Variants in SLC35F1 observed in about 807,000 individuals in gnomAD.
The protein encoded by SLC35F1 is solute carrier family 35 member F1.
In SLC35F1, 14 loss-of-function variants were observed where a neutral mutation model predicts 48.7. The ratio of observed to expected loss-of-function variants is 0.29; its 90% CI spans 0.19 to 0.45. The LOEUF (loss-of-function observed/expected upper bound fraction) is 0.45. Among genes scored for constraint, SLC35F1 ranks in the 20% least tolerant of loss-of-function variants. The pLI, the probability that SLC35F1 is intolerant of heterozygous loss-of-function variation, is 1.00. For missense variants in SLC35F1, 404 were observed against 500.0 expected, an observed-to-expected ratio of 0.81 and a Z score of 1.83; for synonymous variants, 190 against 202.2, an observed-to-expected ratio of 0.94 and a Z score of 0.51.
In SLC35F1 at chr6:118,150,938, C is replaced by T. The variant is rs549210522; in HGVS notation, c.174-3507C>T. 2.0e-5 allele frequency among the ~76,000 whole-genome samples: 3 copies of T among 152,260 alleles called. No homozygotes were observed. The South Asian group carries it at 6.2e-4, about 32-fold the overall frequency. ...CTAGCTATCCCCTCCATGAAACTCTCTGTTCTCTTGGTTTTCATGACACCA... is the reference window on the plus strand; with the variant it reads ...CTAGCTATCCCCTCCATGAAACTCTTTGTTCTCTTGGTTTTCATGACACCA... On this transcript the variant is annotated intron_variant, in intron 1 of 7. Transcript: ENST00000360388.
intron 4 of SLC35F1, among the ~76,000 whole-genome samples, chr6:118,271,631 A>G (rs550015157): frequency 1.6e-4 from 25 of 152,310 alleles, no homozygotes; most frequent in African/African-American, 4.8e-4. Flanking sequence ...CATGATTTCA[A>G]ATAGCCTTCC....
At chr6:118,230,283 T>C (rs1275127979) in intron 2 of SLC35F1, among the ~76,000 whole-genome samples, 2 of 151,200 alleles carry the variant, frequency 1.3e-5, no homozygotes, top group Non-Finnish European at 2.9e-5. Flanking sequence ...GAGGTTGCAG[T>C]GAGCCGAGAT....
rs530612271 is a variant in SLC35F1, at chr6:118,021,488, C to CG, written c.173+113589_173+113590insG. 1.3e-3 allele frequency among the ~76,000 whole-genome samples: 203 copies of CG among 152,288 alleles called. 1 individual carries two copies. Among genetic ancestry groups the CG allele is most frequent in the African/African-American group, 4.7e-3 (194 of 41,566 alleles). On this transcript the variant is annotated intron_variant, in intron 1 of 7. Transcript: ENST00000360388. The stretch of plus-strand genomic sequence containing the variant: ...GTCAGTAGCACAGGCTTGTTCTTGG[C>CG]AGACCTGGAAGAGCATTGTCACAGT...
intron 1 of SLC35F1, among the ~76,000 whole-genome samples, chr6:118,111,770 T>G (rs954188585): frequency 1.3e-5 from 2 of 152,208 alleles, no homozygotes; most frequent in Non-Finnish European, 2.9e-5. Context: ...ATTAAGCTTA[T>G]GAATAATTGA....
intron 3 of SLC35F1, among the ~76,000 whole-genome samples, chr6:118,265,179 A>G (rs554886486): frequency 6.6e-6 from 1 of 152,204 alleles, no homozygotes; most frequent in Non-Finnish European, 1.5e-5. Context: ...GATAGAGGGG[A>G]TTCACAATGC....
intron 3 of SLC35F1, among the ~76,000 whole-genome samples, chr6:118,265,533 A>G (rs1169600169): frequency 6.6e-6 from 1 of 152,164 alleles, no homozygotes; most frequent in Non-Finnish European, 1.5e-5. Flanking sequence ...ATAAAGGAGG[A>G]GGAAGTTCAA....
intron 2 of SLC35F1, among the ~76,000 whole-genome samples, chr6:118,159,377 C>G (rs1774193936): frequency 6.6e-6 from 1 of 151,974 alleles, no homozygotes; most frequent in African/African-American, 2.4e-5. Context: ...ACTGTTACAT[C>G]AATAGCTTAA....
chr6:118,312,307 A>G (rs921409030), intron 7 of SLC35F1, among the ~76,000 whole-genome samples: 8 of 152,242 alleles, frequency 5.3e-5, no homozygotes, highest in African/African-American at 1.9e-4. Flanking sequence ...ACCGAAGTTT[A>G]AGGTAAAGGG....
intron 1 of SLC35F1, among the ~76,000 whole-genome samples, chr6:118,074,732 G>A (rs1019179027): frequency 1.1e-4 from 17 of 152,272 alleles, no homozygotes; most frequent in African/African-American, 2.6e-4. Flanking sequence ...TCACGGCAGC[G>A]TTGACCTCCT....
At chr6:118,013,877 C>A (rs1777285028) in intron 1 of SLC35F1, among the ~76,000 whole-genome samples, 1 of 152,162 alleles carries the variant, frequency 6.6e-6, no homozygotes, top group Non-Finnish European at 1.5e-5. Flanking sequence ...AATTTCTAGT[C>A]ACACTACATG....
chr6:118,130,423 A>T (rs1385138118), intron 1 of SLC35F1, among the ~76,000 whole-genome samples: 1 of 152,178 alleles, frequency 6.6e-6, no homozygotes, highest in Non-Finnish European at 1.5e-5. Context: ...GTGAGCGGAG[A>T]TCGCACCACT....
rs181814401 is a variant in SLC35F1, at chr6:118,075,948, C to T, written c.174-78497C>T. On this transcript the variant is annotated intron_variant, in intron 1 of 7. Transcript: ENST00000360388. ...ATCTGATAATGCTCAGCCTTTGTTT[C>T]GACATACAGCTTCCATGTGGATGAA... Among the ~76,000 whole-genome samples, 17 of 152,236 alleles carry T rather than the reference C, an allele frequency of 1.1e-4. No individual in the cohort carries two copies. The East Asian group carries it at 2.3e-3, about 21-fold the overall frequency.
intron 1 of SLC35F1, among the ~76,000 whole-genome samples, chr6:118,065,560 C>A (rs1389302378): frequency 6.6e-6 from 1 of 152,074 alleles, no homozygotes; most frequent in East Asian, 1.9e-4. Context: ...AGATGTACAA[C>A]TATGACATAT....
At chr6:117,911,767 T>A (rs1478192934) in intron 1 of SLC35F1, among the ~76,000 whole-genome samples, 1 of 151,952 alleles carries the variant, frequency 6.6e-6, no homozygotes, top group Admixed American at 6.6e-5. Flanking sequence ...CTTAGCATGG[T>A]ATAGTATATA....
intron 1 of SLC35F1, among the ~76,000 whole-genome samples, chr6:117,924,490 ATACATATGTATATACG>A (rs1775999667): frequency 4.5e-5 from 1 of 22,024 alleles, no homozygotes; most frequent in African/African-American, 8.4e-5. Flanking sequence ...ATATACGTAT[ATACATATGTATATACG>A]TATATACATA....
At chr6:118,277,304 C>A (rs549981514) in intron 5 of SLC35F1, among the ~76,000 whole-genome samples, 190 bp from the exon 6 acceptor site, 1 of 152,296 alleles carries the variant, frequency 6.6e-6, no homozygotes, top group South Asian at 2.1e-4. Context: ...ACACACCGAC[C>A]GGGTTCTTCA....
At chr6:117,966,142 C>A (rs59804572) in intron 1 of SLC35F1, among the ~76,000 whole-genome samples, 2 of 134,746 alleles carry the variant, frequency 1.5e-5, no homozygotes, top group Admixed American at 7.1e-5. Context: ...CCCCCCCCCC[C>A]ACTCCCGCCC....
intron 2 of SLC35F1, among the ~76,000 whole-genome samples, chr6:118,187,873 G>A (rs907565897): frequency 2.1e-4 from 32 of 152,212 alleles, no homozygotes; most frequent in Non-Finnish European, 1.0e-4. Context: ...GCCAGACACA[G>A]AGTTGTTTCA....
chr6:117,990,879 G>A (rs1384761420), intron 1 of SLC35F1, among the ~76,000 whole-genome samples: 5 of 152,116 alleles, frequency 3.3e-5, no homozygotes, highest in African/African-American at 4.8e-5. Flanking sequence ...CCACCAGTCT[G>A]CGGCTGGTTC....
Sources: allele counts gnomAD v4.1 joint callset (sites outside exome capture counted in the v4.1 genomes callset), GRCh38; gene constraint gnomAD v4.1.1; transcripts MANE v1.5; gene names NCBI Gene and HGNC (gene_info 2026-07-23, HGNC 2026-07-21).